Variants in CEP70 observed in about 807,000 individuals in gnomAD.
CEP70 encodes centrosomal protein 70.
Under a neutral mutation model 90.9 loss-of-function variants are expected in CEP70, and 70 were observed. That is an observed-to-expected ratio of 0.77 (90% CI 0.64 to 0.94). The LOEUF (loss-of-function observed/expected upper bound fraction) is 0.94, where lower values mean the gene tolerates loss of function less well. Among genes scored for constraint, CEP70 ranks in the 40% least tolerant of loss-of-function variants. The pLI, the probability that CEP70 is intolerant of heterozygous loss-of-function variation, is 0.00. For missense variants in CEP70, 648 were observed against 669.0 expected, an observed-to-expected ratio of 0.97 and a Z score of 0.35; for synonymous variants, 220 against 228.3, an observed-to-expected ratio of 0.96 and a Z score of 0.33.
intron 6 of CEP70, among the ~76,000 whole-genome samples, chr3:138,549,314 G>C (rs978226962): frequency 6.6e-6 from 1 of 151,828 alleles, no homozygotes; most frequent in East Asian, 1.9e-4. Context: ...CAAATTCTCA[G>C]CTCTGCTCAC....
In CEP70 at chr3:138,500,567, C is replaced by T. The variant is rs553898863; in HGVS notation, c.1369G>A (p.Asp457Asn). Residue 457 changes from aspartate (D) to asparagine (N), a missense_variant and splice_region_variant, in exon 15 of 18, where the codon GAC (aspartate) becomes AAC (asparagine). Transcript: ENST00000264982. Reference sequence around the variant, plus strand: ...GTTTGAAAGTGTGGCATATTGCTGTCCTGTCCAAAAAAGAGGTAAAAAAGA... The same window carrying T: ...GTTTGAAAGTGTGGCATATTGCTGTTCTGTCCAAAAAAGAGGTAAAAAAGA... ...MLEEVENKEKDSNMPHFQTLQ... is the reference protein window; with the variant it reads ...MLEEVENKEKNSNMPHFQTLQ... 1.3e-6 allele frequency: 2 copies of T among 1,581,342 alleles called. No individual in the cohort carries two copies. The highest frequency in any genetic ancestry group is 2.2e-5 in the East Asian group (1 of 44,652).
intron 7 of CEP70, among the ~76,000 whole-genome samples, chr3:138,532,884 T>C (rs575963091): frequency 6.6e-6 from 1 of 152,362 alleles, no homozygotes; most frequent in East Asian, 1.9e-4. Context: ...CAACTCAATA[T>C]GAACAAAGTT....
chr3:138,507,340 C>A (rs749401053), intron 12 of CEP70, among the ~76,000 whole-genome samples: 4 of 152,112 alleles, frequency 2.6e-5, no homozygotes, highest in Non-Finnish European at 5.9e-5. Context: ...GTTAAGGTGT[C>A]ATTTCTCCAA....
intron 16 of CEP70, 54 bp downstream of exon 16, chr3:138,500,056 G>T: frequency 1.7e-6 from 2 of 1,208,338 alleles, no homozygotes; most frequent in Non-Finnish European, 2.5e-6. Context: ...ACAGGCGTGT[G>T]CCACCACACC....
intron 12 of CEP70, among the ~76,000 whole-genome samples, chr3:138,507,051 C>G (rs933432422): frequency 1.3e-5 from 2 of 152,060 alleles, no homozygotes; most frequent in African/African-American, 2.4e-5. Context: ...CTTGAATTCC[C>G]CTTTTAAAGG....
At chr3:138,497,708 TTC>T (rs2034075122) in intron 17 of CEP70, 1 of 985,240 alleles carries the variant, frequency 1.0e-6, no homozygotes, top group Non-Finnish European at 1.2e-6. Flanking sequence ...AGGAAGGACC[TTC>T]TAAGATCATA....
chr3:138,515,914 C>T (rs1227372158), intron 11 of CEP70, among the ~76,000 whole-genome samples: 1 of 152,136 alleles, frequency 6.6e-6, no homozygotes, highest in Non-Finnish European at 1.5e-5. Context: ...CCTTGTTATT[C>T]AAGGTTAAAA....
At chr3:138,497,868 T>C in intron 17 of CEP70, 163 bp downstream of exon 17, 1 of 985,428 alleles carries the variant, frequency 1.0e-6, no homozygotes, top group Non-Finnish European at 1.2e-6. Context: ...TATGGACTAA[T>C]CCAAACAAAC....
At chr3:138,518,912 G>A (rs2036327050) in intron 11 of CEP70, among the ~76,000 whole-genome samples, 1 of 152,044 alleles carries the variant, frequency 6.6e-6, no homozygotes, top group Non-Finnish European at 1.5e-5. Flanking sequence ...TGAACCCAAG[G>A]CAAAGAAGTT....
At chr3:138,550,084 T>C (rs1343739233) in intron 6 of CEP70, among the ~76,000 whole-genome samples, 1 of 151,978 alleles carries the variant, frequency 6.6e-6, no homozygotes, top group Non-Finnish European at 1.5e-5. Context: ...CCCCAGACCT[T>C]CCCACTGACA....
In CEP70 at chr3:138,516,906, A is replaced by G. The variant is rs148053845; in HGVS notation, c.945-8362T>C. Among the ~76,000 whole-genome samples, 95 of 152,328 alleles carry G rather than the reference A, an allele frequency of 6.2e-4. 1 individual carries two copies. Among genetic ancestry groups the G allele is most frequent in the Admixed American group, 2.7e-3 (42 of 15,306 alleles). On this transcript the variant is annotated intron_variant, in intron 11 of 17. Transcript: ENST00000264982. ...ACTTTCTCAAATCCCATTCCCTTGA[A>G]TCAAAGAGTACACATAGATAATCTT...
intron 6 of CEP70, among the ~76,000 whole-genome samples, chr3:138,550,041 G>C (rs115986827): frequency 6.6e-6 from 1 of 152,130 alleles, no homozygotes; most frequent in Non-Finnish European, 1.5e-5. Flanking sequence ...GGAACATCCC[G>C]TGGGACAAAA....
Position 138,497,449 on chromosome 3 carries a change from G to A in CEP70, c.1732+582C>T, listed in dbSNP as rs140892305. Reference sequence around the variant, plus strand: ...AAGATAAATAATTTTATAGCCATATGTAATTATATTTAAACTAGATAAGGT... The same window carrying A: ...AAGATAAATAATTTTATAGCCATATATAATTATATTTAAACTAGATAAGGT... On this transcript the variant is annotated intron_variant, in intron 17 of 17. Transcript: ENST00000264982. The A allele has an allele frequency of 2.4e-4, 262 of 1,106,674 alleles. 1 individual carries two copies. The African/African-American group carries it at 4.2e-3, about 18-fold the overall frequency. 68.6% of individuals were successfully genotyped at this position (1,106,674 alleles called of 1,614,324 possible).
intron 11 of CEP70, among the ~76,000 whole-genome samples, chr3:138,509,029 G>A (rs547100827): frequency 9.2e-5 from 14 of 152,086 alleles, no homozygotes; most frequent in African/African-American, 1.9e-4. Flanking sequence ...CACCGTGCCC[G>A]GCCAGAGTTT....
chr3:138,545,423 T>C (rs542972609), intron 6 of CEP70, among the ~76,000 whole-genome samples: 101 of 152,368 alleles, frequency 6.6e-4, no homozygotes, highest in Non-Finnish European at 1.1e-3. Context: ...TTAATCCTGT[T>C]ATCTTTGTAA....
intron 2 of CEP70, 98 bp from the exon 3 acceptor site, chr3:138,573,030 A>G: frequency 1.2e-6 from 1 of 827,762 alleles, no homozygotes; most frequent in South Asian, 1.5e-5. Flanking sequence ...AAAGAAAAGT[A>G]TATTTAAAAG....
At chr3:138,545,218 T>C (rs1016380046) in intron 6 of CEP70, among the ~76,000 whole-genome samples, 2 of 152,210 alleles carry the variant, frequency 1.3e-5, no homozygotes, top group African/African-American at 2.4e-5. Context: ...TGGGACCAAC[T>C]GGACCCAGGG....
intron 6 of CEP70, among the ~76,000 whole-genome samples, chr3:138,541,123 A>G (rs1014932511): frequency 1.3e-5 from 2 of 152,208 alleles, no homozygotes; most frequent in African/African-American, 4.8e-5. Flanking sequence ...AAAGATAACT[A>G]TTGGGTACTG....
chr3:138,547,914 T>G (rs781494262), intron 6 of CEP70, among the ~76,000 whole-genome samples: 17 of 152,204 alleles, frequency 1.1e-4, no homozygotes, highest in Non-Finnish European at 2.4e-4. Context: ...TTTAATATTT[T>G]TGAACTGCAA....
Sources: gnomAD v4.1 joint callset for allele counts (sites outside exome capture counted in the v4.1 genomes callset) on GRCh38, gnomAD v4.1.1 for gene constraint, MANE v1.5 for transcripts, NCBI Gene and HGNC (gene_info 2026-07-23, HGNC 2026-07-21) for gene names.